The following MSI2 variants were observed in gnomAD, a reference collection of about 807,000 sequenced individuals.
MSI2 encodes the protein musashi RNA binding protein 2, also known as RNA-binding protein Musashi homolog 2.
In MSI2, 17 loss-of-function variants were observed where a neutral mutation model predicts 45.6. That is an observed-to-expected ratio of 0.37 (90% CI 0.26 to 0.56). The LOEUF (loss-of-function observed/expected upper bound fraction) is 0.56, where lower values mean the gene tolerates loss of function less well. Ranked by LOEUF, MSI2 falls within the 20% of genes least tolerant of loss-of-function variation. MSI2 has a pLI of 0.77. For synonymous variants in MSI2, 156 were observed against 158.2 expected (o/e 0.99, Z 0.11); for missense variants, 293 against 444.2 (o/e 0.66, Z 3.06).
intron 11 of MSI2, among the ~76,000 whole-genome samples, chr17:57,673,824 G>A (rs1478998579): frequency 6.6e-6 from 1 of 152,088 alleles, no homozygotes; most frequent in Non-Finnish European, 1.5e-5. Flanking sequence ...TACATCCTGA[G>A]CCTGCTGTTC....
chr17:57,539,595 G>A (rs1375085113), intron 7 of MSI2, among the ~76,000 whole-genome samples: 1 of 151,370 alleles, frequency 6.6e-6, no homozygotes, highest in Non-Finnish European at 1.5e-5. Context: ...AGGAGGCTGA[G>A]GCAGGAAAAT....
At chr17:57,433,738 C>T (rs1386799998) in intron 6 of MSI2, among the ~76,000 whole-genome samples, 1 of 152,214 alleles carries the variant, frequency 6.6e-6, no homozygotes, top group African/African-American at 2.4e-5. Flanking sequence ...TGGGTGATTG[C>T]CCGCTGTCTT....
intron 5 of MSI2, among the ~76,000 whole-genome samples, chr17:57,318,574 A>G (rs1443898015): frequency 1.3e-5 from 2 of 151,796 alleles, no homozygotes; most frequent in Non-Finnish European, 2.9e-5. Flanking sequence ...GGTGCTGCTC[A>G]TAAGAAGCTT....
At chr17:57,320,026 T>C (rs142502333) in intron 5 of MSI2, among the ~76,000 whole-genome samples, 509 of 152,278 alleles carry the variant, frequency 3.3e-3, no homozygotes, top group Non-Finnish European at 4.7e-3. Context: ...CCCTCCTACT[T>C]GGCCCTTCCC....
At chr17:57,493,346 T>C (rs536185468) in intron 6 of MSI2, among the ~76,000 whole-genome samples, 20 of 152,242 alleles carry the variant, frequency 1.3e-4, no homozygotes, top group African/African-American at 4.8e-4. Flanking sequence ...TCTGGTTGCA[T>C]AGTTGATCTT....
chr17:57,585,925 C>T (rs977393110), intron 7 of MSI2, among the ~76,000 whole-genome samples: 2 of 152,382 alleles, frequency 1.3e-5, no homozygotes, highest in Middle Eastern at 3.4e-3. Flanking sequence ...CCGCTGGGCG[C>T]GAGCTGCAGT....
chr17:57,502,595 A>C (rs1247919523), intron 6 of MSI2, among the ~76,000 whole-genome samples: 1 of 113,830 alleles, frequency 8.8e-6, no homozygotes, highest in Non-Finnish European at 1.8e-5. Context: ...GGAGAAGATG[A>C]CTCTGAGATA....
intron 9 of MSI2, among the ~76,000 whole-genome samples, chr17:57,617,168 A>T (rs1907793860): frequency 6.6e-6 from 1 of 152,232 alleles, no homozygotes; most frequent in Admixed American, 6.5e-5. Context: ...ATTTTGAGGA[A>T]CTTTATGAAA....
At chr17:57,692,143 C>T in the MSI2 span, among the ~76,000 whole-genome samples, 10 of 152,212 alleles carry the variant, frequency 6.6e-5, no homozygotes, top group Admixed American at 3.3e-4. Flanking sequence ...GCTGATATTG[C>T]GATTATATTA....
At chr17:57,329,443 A>AG (rs1464152426) in intron 5 of MSI2, among the ~76,000 whole-genome samples, 2 of 152,156 alleles carry the variant, frequency 1.3e-5, no homozygotes, top group African/African-American at 4.8e-5. Flanking sequence ...CCTGTGTGGG[A>AG]GGCATGTATA....
chr17:57,425,959 A>T (rs1383450228), intron 6 of MSI2, among the ~76,000 whole-genome samples: 1 of 152,184 alleles, frequency 6.6e-6, no homozygotes. Context: ...GAAATTTGTC[A>T]TATGGAACAT....
rs1341109890 is a variant in MSI2 at position 57,627,509 on chromosome 17, C to A, written c.727+206C>A. ...TAACTCAGGTATAACTCACTGGTGC[C>A]GGGTATTTGAGAACGGCAGCTTTTA... On this transcript the variant is annotated intron_variant, in intron 10 of 13. Transcript: ENST00000284073. This position sits in a 1 kb window ranked among gnomAD's most constrained non-coding sequence, Gnocchi z 4.6. The A allele has an allele frequency of 2.5e-5, 15 of 589,088 alleles. No individual in the cohort carries two copies. In the East Asian group the frequency reaches 4.3e-4, roughly 17 times the overall value. The allele number at this position is 589,088 out of a possible 1,614,324, so 36.5% of individuals were successfully genotyped here. A position where few individuals can be genotyped will look rare whatever the true frequency, so the allele number is the denominator to read the frequency against.
intron 6 of MSI2, among the ~76,000 whole-genome samples, chr17:57,423,281 C>T (rs12939102): frequency 0.14 from 21,278 of 152,178 alleles, 1,660 homozygotes; most frequent in African/African-American, 0.21. Context: ...ACATTATCTT[C>T]GCCATTCGAG....
rs1166751781 is a variant in MSI2, at chr17:57,670,792, C to T, written c.791-4180C>T. On this transcript the variant is annotated intron_variant, in intron 11 of 13. Coordinates refer to ENST00000284073, the MANE Select transcript of MSI2 (RefSeq NM_138962.4). ...TCCTAAATCTGCATGTGGTACCTGC[C>T]TTATTGGCCTCTGCATACATAACTA... is the stretch of plus-strand genomic sequence containing the variant. Among the ~76,000 whole-genome samples the T allele has an allele frequency of 2.0e-5, 3 of 152,268 alleles. No individual in the cohort carries two copies. The East Asian group carries it at 5.8e-4, about 29-fold the overall frequency.
chr17:57,417,536 C>T (rs1328246328), intron 6 of MSI2, among the ~76,000 whole-genome samples: 2 of 152,184 alleles, frequency 1.3e-5, no homozygotes, highest in Non-Finnish European at 2.9e-5. Context: ...AGTCTCCTCC[C>T]TGAGATCTTA....
chr17:57,558,775 G>T (rs1487238977), intron 7 of MSI2, among the ~76,000 whole-genome samples: 2 of 152,174 alleles, frequency 1.3e-5, no homozygotes, highest in Non-Finnish European at 2.9e-5. Context: ...GAACTCAGAG[G>T]TTCAGCCAAG....
intron 6 of MSI2, among the ~76,000 whole-genome samples, chr17:57,414,253 C>T (rs1192815368): frequency 6.6e-6 from 1 of 152,198 alleles, no homozygotes; most frequent in African/African-American, 2.4e-5. Context: ...TGTTTACTCA[C>T]CCTGTAGCAC....
rs551018758 is a variant in MSI2 at position 57,506,634 on chromosome 17, C to T, written c.406-23042C>T. ...GAGGGAGTAGGGAGAAGGCTGCTGT[C>T]GGGGGAGGCCATGGGAGTGGAGGGG... is the stretch of plus-strand genomic sequence containing the variant. On this transcript the variant is annotated intron_variant, in intron 6 of 13. Coordinates refer to ENST00000284073, the MANE Select transcript of MSI2 (RefSeq NM_138962.4). Among the ~76,000 whole-genome samples the T allele has an allele frequency of 1.2e-3, 187 of 152,186 alleles. 1 individual carries two copies. The highest frequency in any genetic ancestry group is 4.3e-3 in the African/African-American group (178 of 41,526).
chr17:57,592,312 T>C (rs1567921914), intron 7 of MSI2, among the ~76,000 whole-genome samples: 1 of 152,200 alleles, frequency 6.6e-6, no homozygotes, highest in Non-Finnish European at 1.5e-5. Context: ...TCTGACCCCA[T>C]TGTTTTTGTC....
Sources: allele counts gnomAD v4.1 joint callset (sites outside exome capture counted in the v4.1 genomes callset), GRCh38; gene constraint gnomAD v4.1.1; non-coding constraint Gnocchi (gnomAD v3.1); transcripts MANE v1.5; gene names NCBI Gene and HGNC (gene_info 2026-07-23, HGNC 2026-07-21).